Variants in WWOX observed in about 807,000 individuals in gnomAD.
The protein encoded by WWOX is WW domain containing oxidoreductase.
In WWOX, 69 loss-of-function variants were observed where a neutral mutation model predicts 46.2. The ratio of observed to expected loss-of-function variants is 1.49; its 90% CI spans 1.23 to 1.82. The LOEUF (loss-of-function observed/expected upper bound fraction) is 1.82, where lower values mean the gene tolerates loss of function less well. Ranked by LOEUF, WWOX falls within the 40% of genes most tolerant of loss-of-function variation. WWOX has a pLI of 0.00. For synonymous variants in WWOX, 359 were observed against 202.6 expected (o/e 1.77, Z -6.56); for missense variants, 919 against 542.6 (o/e 1.69, Z -6.89).
chr16:78,991,980 A>G (rs952560551), intron 8 of WWOX, among the ~76,000 whole-genome samples: 1 of 152,130 alleles, frequency 6.6e-6, no homozygotes, highest in Non-Finnish European at 1.5e-5. Context: ...GGCGAAATGA[A>G]ACTCAGGGGG....
chr16:78,488,984 C>T (rs1163520267), intron 8 of WWOX, among the ~76,000 whole-genome samples: 1 of 152,194 alleles, frequency 6.6e-6, no homozygotes, highest in Non-Finnish European at 1.5e-5. Context: ...ATGTAGAACA[C>T]AGAACTTCGC....
At chr16:78,196,590 C>T (rs2036060238) in intron 5 of WWOX, among the ~76,000 whole-genome samples, 1 of 152,088 alleles carries the variant, frequency 6.6e-6, no homozygotes, top group South Asian at 2.1e-4. Flanking sequence ...ATTACTGGTC[C>T]TGAGGAAAGA....
At chr16:78,138,112 C>A (rs923870554) in intron 4 of WWOX, among the ~76,000 whole-genome samples, 14 of 150,642 alleles carry the variant, frequency 9.3e-5, no homozygotes, top group African/African-American at 3.4e-4. Flanking sequence ...CTCGCTGCAT[C>A]CTCTTCACGA....
intron 8 of WWOX, among the ~76,000 whole-genome samples, chr16:78,577,597 T>C (rs113857731): frequency 2.6e-5 from 4 of 152,348 alleles, no homozygotes; most frequent in East Asian, 1.9e-4. Context: ...AATTTACTTA[T>C]GCTTTCTGGG....
At chr16:78,757,743 T>A (rs2049690873) in intron 8 of WWOX, among the ~76,000 whole-genome samples, 1 of 151,884 alleles carries the variant, frequency 6.6e-6, no homozygotes, top group African/African-American at 2.4e-5. Flanking sequence ...AAATAAATTT[T>A]CCTATAAATA....
At chr16:78,308,047 G>C (rs935821798) in intron 5 of WWOX, among the ~76,000 whole-genome samples, 2 of 151,168 alleles carry the variant, frequency 1.3e-5, no homozygotes, top group African/African-American at 4.8e-5. Flanking sequence ...ACCTTCCCAT[G>C]GTGCCTGCAC....
chr16:78,124,653 C>T (rs1023530577), intron 4 of WWOX, among the ~76,000 whole-genome samples: 5 of 152,188 alleles, frequency 3.3e-5, no homozygotes, highest in African/African-American at 9.7e-5. Context: ...GAGCTGGTCT[C>T]AGTCTACACA....
chr16:78,358,787 A>G (rs2081349463), intron 5 of WWOX, among the ~76,000 whole-genome samples: 1 of 151,794 alleles, frequency 6.6e-6, no homozygotes, highest in South Asian at 2.1e-4. Flanking sequence ...GTCAGGAACA[A>G]TTACTGTGAA....
At chr16:78,643,839 A>AC (rs1438007362) in intron 8 of WWOX, among the ~76,000 whole-genome samples, 1 of 151,970 alleles carries the variant, frequency 6.6e-6, no homozygotes, top group African/African-American at 2.4e-5. Context: ...AAAAAAAAAA[A>AC]AACTTTCTTC....
intron 8 of WWOX, among the ~76,000 whole-genome samples, chr16:79,147,085 T>C (rs181712639): frequency 6.6e-6 from 1 of 152,342 alleles, no homozygotes; most frequent in East Asian, 1.9e-4. Context: ...ATTTCTCATT[T>C]TACCTGTACT....
intron 8 of WWOX, among the ~76,000 whole-genome samples, chr16:79,018,296 A>G (rs1393928569): frequency 1.3e-5 from 2 of 152,346 alleles, no homozygotes; most frequent in African/African-American, 4.8e-5. Context: ...GGTGTAAATT[A>G]TATCTGACAG....
chr16:78,699,502 G>C (rs946716222), intron 8 of WWOX, among the ~76,000 whole-genome samples: 2 of 152,160 alleles, frequency 1.3e-5, no homozygotes, highest in African/African-American at 4.8e-5. Flanking sequence ...TCGTGCCACT[G>C]TACTCCCACA....
At chr16:78,530,366 A>T (rs28419317) in intron 8 of WWOX, among the ~76,000 whole-genome samples, 1 of 152,094 alleles carries the variant, frequency 6.6e-6, no homozygotes, top group Non-Finnish European at 1.5e-5. Flanking sequence ...AGGATGGCAG[A>T]TGTGGGGGAT....
At chr16:78,471,007 C>G (rs2084207248) in intron 8 of WWOX, among the ~76,000 whole-genome samples, 1 of 152,184 alleles carries the variant, frequency 6.6e-6, no homozygotes, top group South Asian at 2.1e-4. Flanking sequence ...TCCTTGAATA[C>G]CTTTTGCTTT....
At chr16:78,228,655 C>G (rs1230255875) in intron 5 of WWOX, among the ~76,000 whole-genome samples, 1 of 152,128 alleles carries the variant, frequency 6.6e-6, no homozygotes, top group Non-Finnish European at 1.5e-5. Context: ...GAATCATATT[C>G]TCTTCACTGA....
chr16:79,055,249 A>T (rs973790477), intron 8 of WWOX, among the ~76,000 whole-genome samples: 11 of 151,396 alleles, frequency 7.3e-5, no homozygotes, highest in East Asian at 1.9e-4. Context: ...TTAATTAGCC[A>T]GCCTTTCTAA....
chr16:79,116,076 A>G (rs1450640721), intron 8 of WWOX, among the ~76,000 whole-genome samples: 2 of 152,232 alleles, frequency 1.3e-5, no homozygotes, highest in Non-Finnish European at 2.9e-5. Flanking sequence ...AACAATGTAC[A>G]TACCTTAATT....
At chr16:78,785,256 C>G (rs1281625192) in intron 8 of WWOX, among the ~76,000 whole-genome samples, 1 of 152,226 alleles carries the variant, frequency 6.6e-6, no homozygotes, top group Non-Finnish European at 1.5e-5. Context: ...TCTCTTCCCA[C>G]CTTCGATGGG....
intron 8 of WWOX, among the ~76,000 whole-genome samples, chr16:78,710,309 T>G (rs1057278042): frequency 6.6e-6 from 1 of 151,298 alleles, no homozygotes; most frequent in African/African-American, 2.4e-5. Flanking sequence ...TCTCTGAAAG[T>G]AGTCTTCAAG....
Sources: allele counts gnomAD v4.1 joint callset (sites outside exome capture counted in the v4.1 genomes callset), GRCh38; gene constraint gnomAD v4.1.1; transcripts MANE v1.5; gene names NCBI Gene and HGNC (gene_info 2026-07-23, HGNC 2026-07-21).